FCER1A: variants seen among roughly 807,000 people sequenced by gnomAD.
FCER1A encodes the protein Fc epsilon receptor Ia.
In FCER1A, 24 loss-of-function variants were observed where a neutral mutation model predicts 23.6. The ratio of observed to expected loss-of-function variants is 1.02; its 90% CI spans 0.74 to 1.43. The LOEUF is 1.43. Ranked by LOEUF, FCER1A falls within the 40% of genes most tolerant of loss-of-function variation. The pLI is 0.00. For missense variants in FCER1A, 318 were observed against 294.5 expected (o/e 1.08, Z -0.58); for synonymous variants, 121 against 108.8 (o/e 1.11, Z -0.70).
At position 159,307,942 on chromosome 1, in the gene FCER1A, T is replaced by G; in HGVS notation, c.*10T>G. 3.2e-6 allele frequency: 5 copies of G among 1,569,310 alleles called. No individual in the cohort carries two copies. The highest frequency in any genetic ancestry group is 3.5e-6 in the Non-Finnish European group (4 of 1,150,030). ...CCCCAAAAACAACTGATATAATTAC[T>G]CAAGAAATATTTGCAACATTAGTTT... On this transcript the variant is annotated 3_prime_UTR_variant, in exon 5 of 5. Coordinates refer to ENST00000693622, the MANE Select transcript of FCER1A (RefSeq NM_001387280.1).
intron 1 of FCER1A, chr1:159,289,866 A>G (rs2102214335): frequency 6.6e-6 from 1 of 152,262 alleles, no homozygotes; most frequent in Non-Finnish European, 1.5e-5. Context: ...GAGTAGGAAG[A>G]AGAAAGCAAC....
At chr1:159,286,494 G>A (rs1048923187), upstream of FCER1A, among the ~76,000 whole-genome samples, 75 of 151,924 alleles carry the variant, frequency 4.9e-4, no homozygotes, top group Non-Finnish European at 6.5e-4. Context: ...CACCACGCCC[G>A]GCTAATTTTT....
intron 2 of FCER1A, 58 bp from the exon 3 acceptor site, chr1:159,303,870 A>G (rs1652515116): frequency 7.3e-7 from 1 of 1,373,510 alleles, no homozygotes; most frequent in South Asian, 1.3e-5. Flanking sequence ...AAGCCTAGAC[A>G]GTTTTCAATG....
chr1:159,286,858 C>T (rs1652032086), upstream of FCER1A, among the ~76,000 whole-genome samples: 1 of 152,148 alleles, frequency 6.6e-6, no homozygotes, highest in Non-Finnish European at 1.5e-5. Context: ...TACAAATAGT[C>T]ATAATCCAGC....
At chr1:159,293,554 C>A (rs1159861624) in intron 1 of FCER1A, among the ~76,000 whole-genome samples, 2 of 114,168 alleles carry the variant, frequency 1.8e-5, no homozygotes, top group Non-Finnish European at 3.5e-5. Context: ...TCCCCCCACC[C>A]CACAACAGTC....
intron 1 of FCER1A, among the ~76,000 whole-genome samples, chr1:159,296,606 G>A (rs183945980): frequency 1.1e-3 from 166 of 152,228 alleles, no homozygotes; most frequent in African/African-American, 3.6e-3. Flanking sequence ...TTTCACAGTC[G>A]TGTTTAAGGC....
At position 159,306,161 on chromosome 1, in the gene FCER1A, G is replaced by A. The variant is rs938460853; in HGVS notation, c.505G>A (p.Glu169Lys). Residue 169 changes from glutamate (E) to lysine (K), a missense_variant, in exon 4 of 5, where the codon GAA becomes AAA. Physicochemically the swap from Glu to Lys is moderately conservative, Grantham distance 56 (BLOSUM62 1). Coordinates refer to ENST00000693622, the MANE Select transcript of FCER1A (RefSeq NM_001387280.1). ...HNISITNATV[E>K]DSGTYYCTGK... is the part of the protein sequence containing the mutation. The stretch of plus-strand genomic sequence containing the variant: ...CATCTCCATTACAAATGCCACAGTT[G>A]AAGACAGTGGAACCTACTACTGTAC... 6.2e-7 allele frequency: 1 copy of A among 1,613,906 alleles called. No individual in the cohort carries two copies. Among genetic ancestry groups the A allele is most frequent in the South Asian group, 1.1e-5 (1 of 91,076 alleles).
chr1:159,305,965 A>G (rs1652591008), intron 3 of FCER1A, 23 bp from the exon 4 acceptor site: 2 of 1,606,792 alleles, frequency 1.2e-6, no homozygotes, highest in Admixed American at 1.7e-5. Flanking sequence ...TGTTAAATAA[A>G]TAATGTAATG....
chr1:159,292,688 G>T (rs1226535890), intron 1 of FCER1A, among the ~76,000 whole-genome samples: 2 of 152,082 alleles, frequency 1.3e-5, no homozygotes, highest in Non-Finnish European at 2.9e-5. Flanking sequence ...ACATATACAT[G>T]TCTATGGTTT....
In FCER1A at chr1:159,306,159, T is replaced by G. The variant is rs756874081; in HGVS notation, c.503T>G (p.Val168Gly). 6 of 1,614,052 alleles carry G rather than the reference T, an allele frequency of 3.7e-6. No individual in the cohort carries two copies. In the East Asian group the frequency reaches 6.7e-5, roughly 18 times the overall value. Residue 168 changes from valine to glycine, a missense_variant, in exon 4 of 5, where the codon GTT (valine) becomes GGT (glycine). Transcript: ENST00000693622. ...AACATCTCCATTACAAATGCCACAG[T>G]TGAAGACAGTGGAACCTACTACTGT... ...NHNISITNAT[V>G]EDSGTYYCTG... is the part of the protein sequence containing the mutation.
intron 2 of FCER1A, among the ~76,000 whole-genome samples, chr1:159,303,309 C>T (rs1445267074): frequency 6.6e-6 from 1 of 152,142 alleles, no homozygotes; most frequent in South Asian, 2.1e-4. Flanking sequence ...TTTGTTATCA[C>T]CATGTATCTA....
chr1:159,287,466 C>A (rs1459565997), upstream of FCER1A, among the ~76,000 whole-genome samples: 1 of 151,962 alleles, frequency 6.6e-6, no homozygotes, highest in Non-Finnish European at 1.5e-5. Flanking sequence ...TACTAATTAC[C>A]ATAGAAATTA....
chr1:159,300,710 G>C (rs1652409231), upstream of FCER1A, among the ~76,000 whole-genome samples: 1 of 152,054 alleles, frequency 6.6e-6, no homozygotes, highest in African/African-American at 2.4e-5. Context: ...AATAAATAAT[G>C]ATAATAAAGA....
chr1:159,297,811 G>T (rs1377596771), upstream of FCER1A, among the ~76,000 whole-genome samples: 1 of 152,056 alleles, frequency 6.6e-6, no homozygotes, highest in Admixed American at 6.6e-5. Flanking sequence ...AGGATGAGGT[G>T]GGAGGGATCA....
upstream of FCER1A, among the ~76,000 whole-genome samples, chr1:159,288,307 C>T (rs979184250): frequency 6.6e-6 from 1 of 152,040 alleles, no homozygotes; most frequent in African/African-American, 2.4e-5. Context: ...AGACACAGAC[C>T]CTGGATCATG....
At chr1:159,289,718 TC>T (rs1241377291) in exon 1 of FCER1A, 1 of 152,178 alleles carries the variant, frequency 6.6e-6, no homozygotes, top group Non-Finnish European at 1.5e-5. Flanking sequence ...CTTTTCAGTC[TC>T]CAGCATCCTC....
At chr1:159,300,570 C>A (rs892728279), upstream of FCER1A, among the ~76,000 whole-genome samples, 6 of 152,224 alleles carry the variant, frequency 3.9e-5, no homozygotes, top group East Asian at 9.6e-4. Flanking sequence ...TTCTTTGTGA[C>A]TGTGGAGAGG....
intron 3 of FCER1A, among the ~76,000 whole-genome samples, chr1:159,304,593 C>A (rs990848120): frequency 6.6e-6 from 1 of 152,082 alleles, no homozygotes; most frequent in Non-Finnish European, 1.5e-5. Flanking sequence ...GGCTACAGAG[C>A]AAGACTCCGT....
intron 1 of FCER1A, among the ~76,000 whole-genome samples, chr1:159,291,212 C>G (rs192304989): frequency 2.0e-5 from 3 of 152,276 alleles, no homozygotes; most frequent in African/African-American, 4.8e-5. Flanking sequence ...ACAAGTGTAT[C>G]TTGAGCATGT....
Sources: gnomAD v4.1 joint callset for allele counts (sites outside exome capture counted in the v4.1 genomes callset) on GRCh38, gnomAD v4.1.1 for gene constraint, MANE v1.5 for transcripts, NCBI Gene and HGNC (gene_info 2026-07-23, HGNC 2026-07-21) for gene names.